The following PTPRD variants were observed in gnomAD, a reference collection of about 807,000 sequenced individuals.
The protein encoded by PTPRD is protein tyrosine phosphatase receptor type D.
A neutral mutation model predicts 214.5 loss-of-function variants in PTPRD; 34 were observed. The ratio of observed to expected loss-of-function variants is 0.16; its 90% CI spans 0.12 to 0.21. PTPRD has a LOEUF of 0.21. Among genes scored for constraint, PTPRD ranks in the 10% least tolerant of loss-of-function variants. The pLI, the probability that PTPRD is intolerant of heterozygous loss-of-function variation, is 1.00. For missense variants in PTPRD, 2,545 were observed against 2,398.7 expected, an observed-to-expected ratio of 1.06 and a Z score of -1.27; for synonymous variants, 1,128 against 845.7, an observed-to-expected ratio of 1.33 and a Z score of -5.79.
intron 35 of PTPRD, among the ~76,000 whole-genome samples, chr9:8,413,129 C>T (rs191668865): frequency 1.4e-4 from 22 of 152,098 alleles, no homozygotes. Context: ...AATGTCTAGC[C>T]TAATTTTAAA....
intron 4 of PTPRD, among the ~76,000 whole-genome samples, chr9:10,015,477 A>T (rs1432559457): frequency 6.6e-6 from 1 of 152,162 alleles, no homozygotes; most frequent in Non-Finnish European, 1.5e-5. Context: ...TTAAAGGTGA[A>T]GTTGCAATCA....
chr9:10,155,489 A>G (rs1011088589), intron 3 of PTPRD, among the ~76,000 whole-genome samples: 8 of 152,140 alleles, frequency 5.3e-5, no homozygotes, highest in African/African-American at 1.9e-4. Flanking sequence ...AACATGTTGA[A>G]TAGAAGAGAT....
At chr9:8,917,548 C>T (rs2098796005) in intron 11 of PTPRD, among the ~76,000 whole-genome samples, 2 of 152,092 alleles carry the variant, frequency 1.3e-5, no homozygotes, top group South Asian at 4.1e-4. Context: ...CACGGTTTGT[C>T]TACATATCTC....
intron 3 of PTPRD, among the ~76,000 whole-genome samples, chr9:10,199,365 C>A (rs971014832): frequency 6.6e-6 from 1 of 152,024 alleles, no homozygotes; most frequent in Non-Finnish European, 1.5e-5. Context: ...ATAGGAGAAA[C>A]TTGTCCACAA....
intron 11 of PTPRD, among the ~76,000 whole-genome samples, chr9:8,773,768 T>C (rs1406743614): frequency 1.3e-5 from 2 of 152,236 alleles, no homozygotes; most frequent in Non-Finnish European, 2.9e-5. Context: ...ACAATAACTA[T>C]GATTCAAAAT....
chr9:8,663,111 A>G (rs2097097544), intron 12 of PTPRD, among the ~76,000 whole-genome samples: 1 of 152,168 alleles, frequency 6.6e-6, no homozygotes, highest in South Asian at 2.1e-4. Context: ...ACTATTTGGA[A>G]TTGAGCTTTT....
At chr9:10,294,216 G>C (rs1001503983) in intron 3 of PTPRD, among the ~76,000 whole-genome samples, 1 of 151,922 alleles carries the variant, frequency 6.6e-6, no homozygotes, top group Admixed American at 6.6e-5. Flanking sequence ...TAAAGAGTAA[G>C]AGAGATACCA....
intron 5 of PTPRD, among the ~76,000 whole-genome samples, chr9:9,906,433 C>G (rs1008715397): frequency 1.6e-4 from 24 of 151,848 alleles, no homozygotes; most frequent in African/African-American, 5.8e-4. Context: ...TTATCTTTTA[C>G]TGGTTAACCT....
intron 3 of PTPRD, among the ~76,000 whole-genome samples, chr9:10,078,319 T>A (rs2098169197): frequency 7.3e-6 from 1 of 137,634 alleles, no homozygotes; most frequent in Admixed American, 7.5e-5. Context: ...GAGACCAGCC[T>A]AACCAACATG....
chr9:9,148,369 A>G (rs2099872184), intron 10 of PTPRD, among the ~76,000 whole-genome samples: 1 of 152,192 alleles, frequency 6.6e-6, no homozygotes, highest in African/African-American at 2.4e-5. Flanking sequence ...TGTTTCAATT[A>G]TTTATATACA....
chr9:10,426,641 G>C (rs2098621406), intron 2 of PTPRD, among the ~76,000 whole-genome samples: 1 of 152,056 alleles, frequency 6.6e-6, no homozygotes, highest in East Asian at 1.9e-4. Context: ...TCTGACTGCA[G>C]AAACAACTGC....
intron 2 of PTPRD, among the ~76,000 whole-genome samples, chr9:10,353,731 T>C (rs575548248): frequency 3.4e-4 from 51 of 152,070 alleles, no homozygotes; most frequent in African/African-American, 1.2e-3. Context: ...TTAACAACCG[T>C]ACACCAAAAT....
chr9:9,431,834 A>T (rs1353110133), intron 8 of PTPRD, among the ~76,000 whole-genome samples: 1 of 142,956 alleles, frequency 7.0e-6, no homozygotes, highest in East Asian at 2.1e-4. Context: ...GTTCTCTCTC[A>T]TAGGTGGGAA....
intron 12 of PTPRD, among the ~76,000 whole-genome samples, chr9:8,670,898 C>T (rs987064741): frequency 6.6e-6 from 1 of 152,136 alleles, no homozygotes; most frequent in Non-Finnish European, 1.5e-5. Context: ...GAGAGAGCAG[C>T]TGAGTTTTTC....
chr9:10,308,578 T>G (rs2096165328), intron 3 of PTPRD, among the ~76,000 whole-genome samples: 1 of 152,042 alleles, frequency 6.6e-6, no homozygotes, highest in South Asian at 2.1e-4. Context: ...TTTAAAGATT[T>G]TATTCTATTT....
At chr9:8,360,030 G>T (rs1245593818) in intron 39 of PTPRD, among the ~76,000 whole-genome samples, 1 of 152,166 alleles carries the variant, frequency 6.6e-6, no homozygotes, top group East Asian at 1.9e-4. Context: ...TAGAATGTTT[G>T]TGGTGTCATC....
chr9:9,470,632 T>C (rs987624925), intron 8 of PTPRD, among the ~76,000 whole-genome samples: 14 of 152,190 alleles, frequency 9.2e-5, no homozygotes. Flanking sequence ...TCCATTTTGA[T>C]TGGACTGAAG....
chr9:10,107,296 A>T (rs556350881), intron 3 of PTPRD, among the ~76,000 whole-genome samples: 1 of 152,160 alleles, frequency 6.6e-6, no homozygotes, highest in South Asian at 2.1e-4. Context: ...ATGAAGGTCC[A>T]CATTTGGGAG....
intron 2 of PTPRD, among the ~76,000 whole-genome samples, chr9:10,580,213 A>T (rs551679995): frequency 2.6e-5 from 4 of 152,230 alleles, no homozygotes; most frequent in Admixed American, 1.3e-4. Context: ...AGGTTAAACA[A>T]CCTTTCGAAG....
Sources: allele counts gnomAD v4.1 joint callset (sites outside exome capture counted in the v4.1 genomes callset), GRCh38; gene constraint gnomAD v4.1.1; transcripts MANE v1.5; gene names NCBI Gene and HGNC (gene_info 2026-07-23, HGNC 2026-07-21).